SPECC1L: variants seen among roughly 807,000 people sequenced by gnomAD.
SPECC1L encodes the protein cytospin-A.
Under a neutral mutation model 116.8 loss-of-function variants are expected in SPECC1L, and 40 were observed. That is an observed-to-expected ratio of 0.34 (90% CI 0.27 to 0.45). SPECC1L has a LOEUF of 0.45. SPECC1L is among the 20% of genes least tolerant of loss of function. The pLI, the probability that SPECC1L is intolerant of heterozygous loss-of-function variation, is 1.00. For missense variants in SPECC1L, 1,110 were observed against 1,373.6 expected (o/e 0.81, Z 3.03); for synonymous variants, 504 against 500.6 (o/e 1.01, Z -0.09).
At chr22:24,402,327 C>T (rs1190803870) in intron 14 of SPECC1L, among the ~76,000 whole-genome samples, 1 of 152,030 alleles carries the variant, frequency 6.6e-6, no homozygotes, top group African/African-American at 2.4e-5. Context: ...ACTCCCAGGG[C>T]ATTCTGTGTT....
rs1399445639 is a variant in SPECC1L at position 24,416,712 on chromosome 22, C to G, written c.*2089C>G. On this transcript the variant is annotated 3_prime_UTR_variant, in exon 17 of 17. Coordinates refer to ENST00000314328, the MANE Select transcript of SPECC1L (RefSeq NM_015330.6). The stretch of plus-strand genomic sequence containing the variant: ...CCTTGCTGGCCATGCGAGCCCAGCC[C>G]TGGTGCCTCATGGGATGGGGGGGTA... 6.6e-6 allele frequency: 1 copy of G among 152,350 alleles called. No individual in the cohort carries two copies. Among genetic ancestry groups the G allele is most frequent in the Non-Finnish European group, 1.5e-5 (1 of 68,128 alleles). The allele number at this position is 152,350 out of a possible 1,614,324, so 9.4% of individuals were successfully genotyped here. A position where few individuals can be genotyped will look rare whatever the true frequency, so the allele number is the denominator to read the frequency against.
chr22:24,411,375 G>A (rs4822488), intron 14 of SPECC1L, among the ~76,000 whole-genome samples: 1 of 151,914 alleles, frequency 6.6e-6, no homozygotes, highest in African/African-American at 2.4e-5. Flanking sequence ...AGGCCCAGGC[G>A]TGACCACGTA....
intron 15 of SPECC1L, chr22:24,412,261 G>T: frequency 2.7e-6 from 1 of 371,812 alleles, no homozygotes; most frequent in South Asian, 2.2e-5. Context: ...CCAGTCCCCT[G>T]CTTCCCCCAT....
Position 24,328,822 on chromosome 22 carries a change from T to C in SPECC1L, c.2147-24T>C, listed in dbSNP as rs202130265. On this transcript the variant is annotated intron_variant, in intron 6 of 16. Coordinates refer to ENST00000314328, the MANE Select transcript of SPECC1L (RefSeq NM_015330.6). ...CTGAAGATTGTTGTGAGAATAGATA[T>C]TTAAACTTTGGTGATCTTTTCAGAT... The C allele has an allele frequency of 2.5e-6, 4 of 1,575,030 alleles. No individual in the cohort carries two copies. In the African/African-American group the frequency reaches 4.0e-5, roughly 16 times the overall value.
Position 24,414,738 on chromosome 22 carries a change from A to G in SPECC1L, c.*115A>G, listed in dbSNP as rs890470436. The G allele has an allele frequency of 2.3e-6, 2 of 879,130 alleles. No homozygotes were observed. Among genetic ancestry groups the G allele is most frequent in the Non-Finnish European group, 1.8e-6 (1 of 545,024 alleles). The allele number at this position is 879,130 out of a possible 1,614,324, so 54.5% of individuals were successfully genotyped here. A position where few individuals can be genotyped will look rare whatever the true frequency, so the allele number is the denominator to read the frequency against. ...GCTTCCAGCAACTCTGGGCTGCCCC[A>G]CAGCGTGTGAGCCTCCAGCTCGGGG... On this transcript the variant is annotated 3_prime_UTR_variant, in exon 17 of 17. Coordinates refer to ENST00000314328, the MANE Select transcript of SPECC1L (RefSeq NM_015330.6).
At chr22:24,373,384 G>A (rs1206961375) in intron 14 of SPECC1L, among the ~76,000 whole-genome samples, 3 of 151,888 alleles carry the variant, frequency 2.0e-5, no homozygotes, top group Admixed American at 6.6e-5. Flanking sequence ...ATACTACAAG[G>A]CTACAGTAAC....
chr22:24,305,445 A>C (rs747111754), intron 3 of SPECC1L, among the ~76,000 whole-genome samples: 3 of 152,036 alleles, frequency 2.0e-5, no homozygotes, highest in Non-Finnish European at 4.4e-5. Context: ...TGTTCTTTTT[A>C]TGTGTGTCTG....
chr22:24,337,260 GGAAT>G (rs1442606472), intron 9 of SPECC1L, among the ~76,000 whole-genome samples: 1 of 152,172 alleles, frequency 6.6e-6, no homozygotes, highest in Non-Finnish European at 1.5e-5. Flanking sequence ...GCCACAAGAA[GGAAT>G]GAAGTAGTAA....
intron 14 of SPECC1L, among the ~76,000 whole-genome samples, chr22:24,371,634 T>G (rs11703914): frequency 0.21 from 32,488 of 152,062 alleles, 3,881 homozygotes; most frequent in Admixed American, 0.29. Context: ...TAGAAAATGC[T>G]CTGAGAACAA....
rs569278133 is a variant in SPECC1L, at chr22:24,361,665, T to C, written c.2744-1596T>C. ...ACAAAAATTAGTCAGGTGTGGTGGCTCACACCTGTAGTCCCAGGTACTTGG... is the reference window on the plus strand; with the variant it reads ...ACAAAAATTAGTCAGGTGTGGTGGCCCACACCTGTAGTCCCAGGTACTTGG... On this transcript the variant is annotated intron_variant, in intron 11 of 16. Transcript: ENST00000314328. Among the ~76,000 whole-genome samples the C allele has an allele frequency of 7.7e-3, 1,145 of 147,742 alleles. 12 individuals are homozygous for C. The highest frequency in any genetic ancestry group is 0.011 in the Non-Finnish European group (760 of 67,926).
intron 16 of SPECC1L, 36 bp from the exon 17 acceptor site, chr22:24,414,498 C>G (rs764515374): frequency 6.3e-6 from 10 of 1,587,288 alleles, no homozygotes; most frequent in South Asian, 1.1e-5. Context: ...TGGAGGTGAC[C>G]TGCAGTTCTA....
intron 14 of SPECC1L, among the ~76,000 whole-genome samples, chr22:24,385,630 A>G (rs535928584): frequency 1.5e-3 from 229 of 152,372 alleles, no homozygotes; most frequent in Middle Eastern, 3.4e-3. Context: ...AATTAAAACA[A>G]TAACAATAGC....
intron 6 of SPECC1L, among the ~76,000 whole-genome samples, chr22:24,326,186 C>T (rs1035598920): frequency 3.3e-5 from 5 of 152,200 alleles, no homozygotes; most frequent in South Asian, 2.1e-4. Flanking sequence ...CTCCTGACCT[C>T]AGGTGATCAG....
intron 1 of SPECC1L, 23 bp from the exon 2 acceptor site, chr22:24,276,677 T>C (rs200265714): frequency 2.4e-6 from 1 of 411,492 alleles, no homozygotes; most frequent in African/African-American, 2.1e-5. Flanking sequence ...AAAGCTATTC[T>C]ATTCTTCCTC....
chr22:24,362,793 C>T lies in SPECC1L; in HGVS notation c.2744-468C>T, dbSNP rs989307849. Among the ~76,000 whole-genome samples, 34 of 152,244 alleles carry T rather than the reference C, an allele frequency of 2.2e-4. 1 individual carries two copies. Among genetic ancestry groups the T allele is most frequent in the African/African-American group, 7.5e-4 (31 of 41,546 alleles). On this transcript the variant is annotated intron_variant, in intron 11 of 16. Transcript: ENST00000314328. ...TGCTGCCTGAAATCAAAGAGAATGT[C>T]TTCTCTGTGGTTTGATAATACTTTT...
intron 14 of SPECC1L, among the ~76,000 whole-genome samples, chr22:24,383,792 A>ATTTTTTTTTTTTTTTTTTTTTTTTTTT (rs538972717): frequency 1.3e-5 from 1 of 77,338 alleles, no homozygotes; most frequent in African/African-American, 6.5e-5. Flanking sequence ...ACCCACCACT[A>ATTTTTTTTTTTTTTTTTTTTTTTTTTT]TTTTTTTTTT....
chr22:24,359,091 C>T (rs746944342), intron 11 of SPECC1L, among the ~76,000 whole-genome samples: 3 of 152,058 alleles, frequency 2.0e-5, no homozygotes, highest in Non-Finnish European at 2.9e-5. Context: ...TACATCTTTC[C>T]TTTGTTAAGA....
chr22:24,318,397 T>A, intron 4 of SPECC1L, among the ~76,000 whole-genome samples: 1 of 152,060 alleles, frequency 6.6e-6, no homozygotes, highest in Non-Finnish European at 1.5e-5. Context: ...GGCGCGCGCC[T>A]GCAATCGCAG....
At chr22:24,324,520 GTGGCTCA>G in intron 6 of SPECC1L, 93 bp downstream of exon 6, 1 of 1,167,850 alleles carries the variant, frequency 8.6e-7, no homozygotes, top group East Asian at 2.5e-5. Flanking sequence ...GCTGGGCACG[GTGGCTCA>G]TGCCTGTAAT....
Sources: allele counts gnomAD v4.1 joint callset (sites outside exome capture counted in the v4.1 genomes callset), GRCh38; gene constraint gnomAD v4.1.1; transcripts MANE v1.5; gene names NCBI Gene and HGNC (gene_info 2026-07-23, HGNC 2026-07-21).